Variants in NIPAL3 observed in about 807,000 individuals in gnomAD.
NIPAL3 encodes NIPA-like protein 3.
Under a neutral mutation model 47.2 loss-of-function variants are expected in NIPAL3, and 41 were observed. The ratio of observed to expected loss-of-function variants is 0.87; its 90% confidence interval spans 0.68 to 1.13. NIPAL3 has a LOEUF of 1.13. Ranked by LOEUF, NIPAL3 falls within the 50% of genes most tolerant of loss-of-function variation. The pLI is 0.00. For synonymous variants in NIPAL3, 194 were observed against 209.6 expected (o/e 0.93, Z 0.64); for missense variants, 449 against 530.1 (o/e 0.85, Z 1.50).
Position 24,465,804 on chromosome 1 carries a change from C to T in NIPAL3, c.1021+1684C>T, listed in dbSNP as rs1043328621. 7 of 623,228 alleles carry T rather than the reference C, an allele frequency of 1.1e-5. No homozygotes were observed. The South Asian group carries it at 2.0e-4, about 17-fold the overall frequency. 38.6% of individuals were successfully genotyped at this position (623,228 alleles called of 1,614,324 possible). The stretch of plus-strand genomic sequence containing the variant: ...AAGGCCTCTTGCACGGTGTCTGGGA[C>T]ATGGTAGATGCCTGGTTATATTTGG... On this transcript the variant is annotated intron_variant, in intron 11 of 11. Transcript: ENST00000374399.
At chr1:24,430,701 T>C (rs144233833) in intron 2 of NIPAL3, among the ~76,000 whole-genome samples, 138 of 152,326 alleles carry the variant, frequency 9.1e-4, no homozygotes, top group African/African-American at 3.2e-3. Flanking sequence ...AACAACAAGA[T>C]TTGTTTTGCT....
In NIPAL3 at chr1:24,455,718, C is replaced by A. The variant is rs1000700354; in HGVS notation, c.638-420C>A. On this transcript the variant is annotated intron_variant, in intron 7 of 11. Transcript: ENST00000374399. The stretch of plus-strand genomic sequence containing the variant: ...TACAAGTGACTGAGCACTAAAAAAC[C>A]CAACAATTCCTAAGCTGTTTACCCA... Among the ~76,000 whole-genome samples, 5 of 152,110 alleles carry A rather than the reference C, an allele frequency of 3.3e-5. No individual in the cohort carries two copies. In the East Asian group the frequency reaches 9.6e-4, roughly 29 times the overall value.
Position 24,440,185 on chromosome 1 carries a change from G to A in NIPAL3, c.107G>A (p.Gly36Asp). Residue 36 changes from glycine to aspartate, a missense_variant, in exon 3 of 12, where the codon GGC becomes GAC. Coordinates refer to ENST00000374399, the MANE Select transcript of NIPAL3 (RefSeq NM_020448.5). ...ASFSYKENLI[G>D]ALLAIFGHLV... Reference sequence around the variant, plus strand: ...CTTTCCTTACAGGAAAACCTGATTGGCGCCCTCTTGGCGATCTTCGGGCAC... The same window carrying A: ...CTTTCCTTACAGGAAAACCTGATTGACGCCCTCTTGGCGATCTTCGGGCAC... The A allele has an allele frequency of 6.3e-7, 1 of 1,588,694 alleles. No individual in the cohort carries two copies. Among genetic ancestry groups the A allele is most frequent in the Non-Finnish European group, 8.6e-7 (1 of 1,168,304 alleles).
upstream of NIPAL3, chr1:24,414,501 C>G (rs1487234143): frequency 6.6e-6 from 1 of 150,520 alleles, no homozygotes. Flanking sequence ...CCTCCAATGG[C>G]TCGCCTTTAA....
chr1:24,459,102 T>C (rs976721267), intron 9 of NIPAL3, 126 bp downstream of exon 9: 4 of 798,644 alleles, frequency 5.0e-6, no homozygotes, highest in Non-Finnish European at 6.2e-6. Context: ...TCATGGAGAA[T>C]GTGCAGGATT....
chr1:24,455,611 G>A (rs1646159458), intron 7 of NIPAL3, among the ~76,000 whole-genome samples: 1 of 151,722 alleles, frequency 6.6e-6, no homozygotes, highest in African/African-American at 2.4e-5. Context: ...TTGAGCCCAA[G>A]AATTCAAGAC....
intron 4 of NIPAL3, among the ~76,000 whole-genome samples, chr1:24,444,795 G>A (rs576743354): frequency 9.2e-5 from 14 of 152,276 alleles, no homozygotes; most frequent in African/African-American, 2.9e-4. Flanking sequence ...GCAGTCCTGG[G>A]TTCAAGTCTT....
At chr1:24,450,432 A>G (rs1645881493) in intron 6 of NIPAL3, among the ~76,000 whole-genome samples, 1 of 152,098 alleles carries the variant, frequency 6.6e-6, no homozygotes, top group Non-Finnish European at 1.5e-5. Flanking sequence ...GACACGGGAA[A>G]TTTTGTCTCC....
chr1:24,459,683 G>C (rs767420909), intron 9 of NIPAL3, among the ~76,000 whole-genome samples: 2 of 152,234 alleles, frequency 1.3e-5, no homozygotes, highest in African/African-American at 4.8e-5. Flanking sequence ...AGGAACACAC[G>C]AGGCGCACAG....
At chr1:24,457,847 G>A (rs1490086051) in intron 8 of NIPAL3, 1 of 531,824 alleles carries the variant, frequency 1.9e-6, no homozygotes, top group Non-Finnish European at 3.9e-6. Flanking sequence ...AACATGAGCT[G>A]CTTCTATGAT....
chr1:24,426,562 G>A (rs1644600347), intron 2 of NIPAL3, among the ~76,000 whole-genome samples: 1 of 152,162 alleles, frequency 6.6e-6, no homozygotes, highest in Non-Finnish European at 1.5e-5. Flanking sequence ...TTTGGAAGGT[G>A]TACAGTTATC....
rs1226163120 is a variant in NIPAL3 at position 24,451,874 on chromosome 1, T to C, written c.541-1534T>C. On this transcript the variant is annotated intron_variant, in intron 6 of 11. Transcript: ENST00000374399. The surrounding 1 kb of genome is among the most constrained non-coding windows in gnomAD (Gnocchi z 4.5). ...AACTTCACAAAACATGAAGATTGTT[T>C]ATGGTAACTAAAAACAGCCCAGTAC... Among the ~76,000 whole-genome samples the C allele has an allele frequency of 1.3e-5, 2 of 152,160 alleles. No homozygotes were observed. The highest frequency in any genetic ancestry group is 2.4e-5 in the African/African-American group (1 of 41,430).
At chr1:24,418,410 T>C (rs1206095354) in intron 1 of NIPAL3, among the ~76,000 whole-genome samples, 3 of 152,152 alleles carry the variant, frequency 2.0e-5, no homozygotes, top group African/African-American at 7.2e-5. Context: ...GCAAGTGGAC[T>C]GCTTGAGCCT....
At chr1:24,443,243 T>C (rs1390281228) in intron 4 of NIPAL3, among the ~76,000 whole-genome samples, 1 of 152,232 alleles carries the variant, frequency 6.6e-6, no homozygotes, top group Non-Finnish European at 1.5e-5. Flanking sequence ...AAAAAAATTC[T>C]TCTTAAAGAA....
At chr1:24,461,383 A>C (rs1646461758) in intron 10 of NIPAL3, among the ~76,000 whole-genome samples, 1 of 151,514 alleles carries the variant, frequency 6.6e-6, no homozygotes, top group Admixed American at 6.6e-5. Context: ...CTGTACTAAA[A>C]ATACAAAAAT....
At chr1:24,430,016 A>G (rs1644805544) in intron 2 of NIPAL3, among the ~76,000 whole-genome samples, 1 of 152,258 alleles carries the variant, frequency 6.6e-6, no homozygotes, top group African/African-American at 2.4e-5. Context: ...AAGCAAAAAA[A>G]GTATTAGAAA....
At chr1:24,453,072 A>T (rs1570338760) in intron 6 of NIPAL3, among the ~76,000 whole-genome samples, 2 of 152,038 alleles carry the variant, frequency 1.3e-5, no homozygotes, top group African/African-American at 2.4e-5. Flanking sequence ...TTTAATGGGG[A>T]TGCCCATGGA....
Position 24,442,042 on chromosome 1 carries a change from C to T in NIPAL3, c.163-13C>T, listed in dbSNP as rs754539945. 6.2e-6 allele frequency: 10 copies of T among 1,611,636 alleles called. No homozygotes were observed. The highest frequency in any genetic ancestry group is 3.3e-5 in the Admixed American group (2 of 59,778). ...AACATCTGAGCAAATTGCATTATTTCTCGGGTTTCTAGAAGTACTGCCACA... is the reference window on the plus strand; with the variant it reads ...AACATCTGAGCAAATTGCATTATTTTTCGGGTTTCTAGAAGTACTGCCACA... On this transcript the variant is annotated splice_polypyrimidine_tract_variant and intron_variant, in intron 3 of 11. Transcript: ENST00000374399.
At chr1:24,457,815 G>A (rs760164571) in intron 8 of NIPAL3, 1 of 533,360 alleles carries the variant, frequency 1.9e-6, no homozygotes, top group Non-Finnish European at 3.8e-6. Context: ...TTATGAGAAT[G>A]TCTCTAGGGA....
Sources: gnomAD v4.1 joint callset for allele counts (sites outside exome capture counted in the v4.1 genomes callset) on GRCh38, gnomAD v4.1.1 for gene constraint, Gnocchi (gnomAD v3.1) non-coding constraint, MANE v1.5 for transcripts, NCBI Gene and HGNC (gene_info 2026-07-23, HGNC 2026-07-21) for gene names.